Variants in DCAF8 observed in about 807,000 individuals in gnomAD.
DCAF8 encodes DDB1- and CUL4-associated factor 8.
Under a neutral mutation model 68.0 loss-of-function variants are expected in DCAF8, and 20 were observed. That is an observed-to-expected ratio of 0.29 (90% CI 0.21 to 0.43). DCAF8 has a LOEUF of 0.43. DCAF8 is among the 20% of genes least tolerant of loss of function. DCAF8 has a pLI of 1.00. For missense variants in DCAF8, 460 were observed against 771.0 expected, an observed-to-expected ratio of 0.60 and a Z score of 4.78; for synonymous variants, 230 against 276.9, an observed-to-expected ratio of 0.83 and a Z score of 1.68.
At chr1:160,218,716 C>T (rs1182380156) in intron 12 of DCAF8, 133 bp downstream of exon 12, 3 of 1,354,746 alleles carry the variant, frequency 2.2e-6, no homozygotes, top group Admixed American at 2.1e-5. Context: ...GAGGAAATTA[C>T]AGGAATGTGG....
At chr1:160,242,244 C>CAAAAAAAAAAAAA (rs200596217) in intron 3 of DCAF8, among the ~76,000 whole-genome samples, 1 of 63,782 alleles carries the variant, frequency 1.6e-5, no homozygotes, top group Non-Finnish European at 3.3e-5. Flanking sequence ...AACTCTGTCT[C>CAAAAAAAAAAAAA]AAAAAAAAAA....
At chr1:160,239,408 A>G in intron 4 of DCAF8, 1 of 1,417,086 alleles carries the variant, frequency 7.1e-7, no homozygotes. Flanking sequence ...GAACTCAGGC[A>G]GTTTGGTTCA....
chr1:160,258,101 C>T (rs1656910859), intron 2 of DCAF8, among the ~76,000 whole-genome samples: 1 of 152,188 alleles, frequency 6.6e-6, no homozygotes, highest in Non-Finnish European at 1.5e-5. Context: ...AATCCCAGCA[C>T]TCTGGGAGGC....
intron 13 of DCAF8, 67 bp from the exon 14 acceptor site, chr1:160,217,775 G>T: frequency 2.3e-6 from 3 of 1,314,798 alleles, no homozygotes; most frequent in Non-Finnish European, 3.3e-6. Context: ...TTAGGTCTTA[G>T]CCAGAATTTA....
intron 2 of DCAF8, among the ~76,000 whole-genome samples, chr1:160,257,103 A>C (rs1307683133): frequency 1.3e-5 from 2 of 152,238 alleles, no homozygotes; most frequent in Non-Finnish European, 2.9e-5. Flanking sequence ...TGAAGTTTTT[A>C]ATATTACTAT....
At chr1:160,256,012 CTTTTTTTTTTTTTTT>C (rs11284812) in intron 2 of DCAF8, among the ~76,000 whole-genome samples, 1 of 75,488 alleles carries the variant, frequency 1.3e-5, no homozygotes, top group Non-Finnish European at 2.5e-5. Flanking sequence ...ACTAAGCAAA[CTTTTTTTTTTTTTTT>C]TTTTTTTTTT....
intron 13 of DCAF8, 59 bp downstream of exon 13, chr1:160,218,265 C>A: frequency 7.2e-7 from 1 of 1,381,122 alleles, no homozygotes; most frequent in Non-Finnish European, 1.0e-6. Flanking sequence ...TACTCTGGAA[C>A]TTTTTAGCCC....
Position 160,240,111 on chromosome 1 carries a change from T to TTCTTCC in DCAF8, c.308_309insGGAAGA (p.Glu111_Glu112dup). 2 of 1,611,386 alleles carry TTCTTCC rather than the reference T, an allele frequency of 1.2e-6. No homozygotes were observed. The highest frequency in any genetic ancestry group is 2.2e-5 in the South Asian group (2 of 90,884). ...CTTCTTCCTCCTCTTCTTCCTCCTC[T>TTCTTCC]TCCTCTTCCTCTGAGCGGTCATGGA... On this transcript the variant is annotated inframe_insertion, in exon 4 of 14. Transcript: ENST00000368074.
chr1:160,215,986 G>C lies in DCAF8; in HGVS notation c.*1606C>G, dbSNP rs759324002. 2.6e-5 allele frequency: 4 copies of C among 152,068 alleles called. No homozygotes were observed. In the East Asian group the frequency reaches 7.7e-4, roughly 29 times the overall value. 9.4% of individuals were successfully genotyped at this position (152,068 alleles called of 1,614,324 possible). ...ATTTAGAAGAATCTGACTGTCCCAG[G>C]ATACAGAATTCTTGGTTGGATCTTG... On this transcript the variant is annotated 3_prime_UTR_variant, in exon 14 of 14. Coordinates refer to ENST00000368074, the MANE Select transcript of DCAF8 (RefSeq NM_015726.4).
chr1:160,240,433 C>A lies in DCAF8; in HGVS notation c.50-63G>T, dbSNP rs755467313. The A allele has an allele frequency of 1.3e-4, 192 of 1,462,402 alleles. No homozygotes were observed. In the South Asian group the frequency reaches 1.5e-3, roughly 11 times the overall value. The allele number at this position is 1,462,402 out of a possible 1,614,324, so 90.6% of individuals were successfully genotyped here. A position where few individuals can be genotyped will look rare whatever the true frequency, so the allele number is the denominator to read the frequency against. On this transcript the variant is annotated intron_variant, in intron 3 of 13. Coordinates refer to ENST00000368074, the MANE Select transcript of DCAF8 (RefSeq NM_015726.4). The stretch of plus-strand genomic sequence containing the variant: ...AATAAGAAAACAGGATAGTGACCAC[C>A]TTAGTCTAAGAAATCTTCACATCAA...
intron 6 of DCAF8, among the ~76,000 whole-genome samples, chr1:160,236,019 G>A (rs750318477): frequency 2.0e-5 from 3 of 152,108 alleles, no homozygotes; most frequent in Non-Finnish European, 2.9e-5. Context: ...GATTACAGGC[G>A]TGAGCCACCG....
chr1:160,220,657 G>A (rs1655263867), intron 11 of DCAF8: 1 of 152,168 alleles, frequency 6.6e-6, no homozygotes, highest in Non-Finnish European at 1.5e-5. Flanking sequence ...GGAGACTAAG[G>A]GGCTGTCCTC....
At chr1:160,225,160 C>CA in intron 8 of DCAF8, 41 bp from the exon 9 acceptor site, 1 of 1,591,812 alleles carries the variant, frequency 6.3e-7, no homozygotes, top group Non-Finnish European at 8.6e-7. Context: ...CCCACCCCCC[C>CA]ATTTGTTATA....
chr1:160,252,018 C>G (rs1185462180), intron 2 of DCAF8, among the ~76,000 whole-genome samples: 1 of 152,170 alleles, frequency 6.6e-6, no homozygotes, highest in Non-Finnish European at 1.5e-5. Flanking sequence ...TGCTGAAGAT[C>G]TGACAGTACA....
At chr1:160,251,582 C>G (rs955159027) in intron 2 of DCAF8, among the ~76,000 whole-genome samples, 1 of 152,042 alleles carries the variant, frequency 6.6e-6, no homozygotes, top group Non-Finnish European at 1.5e-5. Context: ...AAGTGATGCT[C>G]CCACCTCAGC....
At chr1:160,244,238 A>G (rs1306355481) in intron 2 of DCAF8, among the ~76,000 whole-genome samples, 1 of 152,150 alleles carries the variant, frequency 6.6e-6, no homozygotes, top group East Asian at 1.9e-4. Context: ...ATATAATGAT[A>G]TATTTTTGGG....
At chr1:160,237,683 T>C (rs770469251) in intron 5 of DCAF8, among the ~76,000 whole-genome samples, 2 of 151,990 alleles carry the variant, frequency 1.3e-5, no homozygotes, top group Non-Finnish European at 2.9e-5. Context: ...CAAGGCACTA[T>C]ACCTGGCTAA....
intron 3 of DCAF8, among the ~76,000 whole-genome samples, chr1:160,242,932 A>T (rs1472380288): frequency 6.6e-6 from 1 of 152,228 alleles, no homozygotes; most frequent in Non-Finnish European, 1.5e-5. Context: ...ACCCAGTGAA[A>T]AATATGAACC....
chr1:160,244,101 A>G, intron 2 of DCAF8, 67 bp from the exon 3 acceptor site: 1 of 1,149,988 alleles, frequency 8.7e-7, no homozygotes, highest in Non-Finnish European at 1.3e-6. Flanking sequence ...CAATAGGGAC[A>G]AGGAGATTTA....
Sources: gnomAD v4.1 joint callset for allele counts (sites outside exome capture counted in the v4.1 genomes callset) on GRCh38, gnomAD v4.1.1 for gene constraint, MANE v1.5 for transcripts, NCBI Gene and HGNC (gene_info 2026-07-23, HGNC 2026-07-21) for gene names.